Variants in GLT8D1 observed in about 807,000 individuals in gnomAD.
The protein encoded by GLT8D1 is glycosyltransferase 8 domain containing 1.
A neutral mutation model predicts 46.2 loss-of-function variants in GLT8D1; 41 were observed. That is an observed-to-expected ratio of 0.89 (90% CI 0.69 to 1.15). GLT8D1 has a LOEUF of 1.15. GLT8D1 is among the 50% of genes most tolerant of loss of function. GLT8D1 has a pLI of 0.00. For missense variants in GLT8D1, 408 were observed against 449.3 expected, an observed-to-expected ratio of 0.91 and a Z score of 0.83; for synonymous variants, 150 against 154.2, an observed-to-expected ratio of 0.97 and a Z score of 0.20.
rs370367748 is a variant in GLT8D1 at position 52,697,756 on chromosome 3, G to A, written c.294C>T (p.Tyr98=). ...QHNTRSNVIF[Y]IVTLNNTADH... ...CTGCTGTATTGTTGAGAGTAACAAT[G>A]TAGAAAATCACATTGGAGCGAGTGT... is the stretch of plus-strand genomic sequence containing the variant. The change falls in exon 4 of 10, where the codon TAC becomes TAT. Residue 98 remains tyrosine (Y), a synonymous_variant. Transcript: ENST00000266014. 11 of 1,613,256 alleles carry A rather than the reference G, an allele frequency of 6.8e-6. No homozygotes were observed. In the African/African-American group the frequency reaches 1.1e-4, roughly 16 times the overall value.
intron 4 of GLT8D1, 54 bp downstream of exon 4, chr3:52,697,667 G>T: frequency 8.5e-7 from 1 of 1,178,376 alleles, no homozygotes; most frequent in Non-Finnish European, 1.3e-6. Context: ...TGGATTGGCA[G>T]CTGGCCTGCT....
rs1286589488 is a variant in GLT8D1 at position 52,697,893 on chromosome 3, T to C, written c.157A>G (p.Asn53Asp). 6.2e-7 allele frequency: 1 copy of C among 1,613,594 alleles called. No individual in the cohort carries two copies. Among genetic ancestry groups the C allele is most frequent in the African/African-American group, 1.3e-5 (1 of 74,906 alleles). Residue 53 changes from asparagine to aspartate, a missense_variant, in exon 4 of 10, where the codon AAT (asparagine) becomes GAT (aspartate). Transcript: ENST00000266014. ...CCATCTACTGCATGTCGGAGAGCAT[T>C]TGGGACAAAGTCTATAGGTTGAGGC... ...VGPQPIDFVPNALRHAVDGRQ... is the reference protein window; with the variant it reads ...VGPQPIDFVPDALRHAVDGRQ...
At chr3:52,702,746 C>G (rs1378913698) in intron 1 of GLT8D1, among the ~76,000 whole-genome samples, 1 of 151,162 alleles carries the variant, frequency 6.6e-6, no homozygotes, top group Admixed American at 6.6e-5. Context: ...GATCACAGGC[C>G]AGATTACAAA....
rs1302353881 is a variant in GLT8D1, at chr3:52,694,693, C to T, written c.*152G>A. The T allele has an allele frequency of 1.6e-5, 11 of 680,268 alleles. No individual in the cohort carries two copies. The highest frequency in any genetic ancestry group is 2.1e-5 in the Non-Finnish European group (8 of 373,058). 42.1% of individuals were successfully genotyped at this position (680,268 alleles called of 1,614,324 possible). A position where few individuals can be genotyped will look rare whatever the true frequency, so the allele number is the denominator to read the frequency against. Reference sequence around the variant, plus strand: ...ATAGTCTGTCTGGGAAGCTGACTGCCAGACAGGGCAGTTTGTCATCTTTAC... The same window carrying T: ...ATAGTCTGTCTGGGAAGCTGACTGCTAGACAGGGCAGTTTGTCATCTTTAC... On this transcript the variant is annotated 3_prime_UTR_variant, in exon 10 of 10. Coordinates refer to ENST00000266014, the MANE Select transcript of GLT8D1 (RefSeq NM_018446.4).
In GLT8D1 at chr3:52,697,754, A is replaced by G. The variant is rs376042101; in HGVS notation, c.296T>C (p.Ile99Thr). The G allele has an allele frequency of 1.9e-6, 3 of 1,613,304 alleles. No individual in the cohort carries two copies. The highest frequency in any genetic ancestry group is 2.5e-6 in the Non-Finnish European group (3 of 1,179,204). ...HNTRSNVIFY[I>T]VTLNNTADHL... ...GTCTGCTGTATTGTTGAGAGTAACAATGTAGAAAATCACATTGGAGCGAGT... is the reference window on the plus strand; with the variant it reads ...GTCTGCTGTATTGTTGAGAGTAACAGTGTAGAAAATCACATTGGAGCGAGT... Residue 99 changes from isoleucine (I) to threonine (T), a missense_variant, in exon 4 of 10, where the codon ATT becomes ACT. Physicochemically the swap from Ile to Thr is moderately conservative, Grantham distance 89. Transcript: ENST00000266014.
intron 1 of GLT8D1, among the ~76,000 whole-genome samples, chr3:52,702,344 A>G (rs1383438834): frequency 6.6e-6 from 1 of 152,164 alleles, no homozygotes; most frequent in African/African-American, 2.4e-5. Flanking sequence ...TGAGGAGTTC[A>G]AGACCAGCCT....
rs1229428553 is a variant in GLT8D1 at position 52,694,702 on chromosome 3, C to T, written c.*143G>A. On this transcript the variant is annotated 3_prime_UTR_variant, in exon 10 of 10. Coordinates refer to ENST00000266014, the MANE Select transcript of GLT8D1 (RefSeq NM_018446.4). ...CTGGGAAGCTGACTGCCAGACAGGG[C>T]AGTTTGTCATCTTTACCTAGCTGAC... is the stretch of plus-strand genomic sequence containing the variant. 3 of 691,650 alleles carry T rather than the reference C, an allele frequency of 4.3e-6. No individual in the cohort carries two copies. In the African/African-American group the frequency reaches 5.3e-5, roughly 12 times the overall value. The allele number at this position is 691,650 out of a possible 1,614,324, so 42.8% of individuals were successfully genotyped here. A position where few individuals can be genotyped will look rare whatever the true frequency, so the allele number is the denominator to read the frequency against.
At chr3:52,695,777 A>G in intron 7 of GLT8D1, 151 bp downstream of exon 7, 1 of 640,894 alleles carries the variant, frequency 1.6e-6, no homozygotes. Context: ...TTAGGCTGTC[A>G]AGTCCATGAA....
rs2276812 is a variant in GLT8D1 at position 52,695,944 on chromosome 3, C to T, written c.629G>A (p.Arg210His). 4.3e-3 allele frequency: 6,955 copies of T among 1,601,398 alleles called. 233 individuals are homozygous for T. In the East Asian group the frequency reaches 0.075, roughly 17 times the overall value. The change falls in exon 7 of 10, where the codon CGT becomes CAT. Residue 210 changes from arginine to histidine, a missense_variant. Physicochemically the swap from Arg to His is conservative, Grantham distance 29. Transcript: ENST00000266014. ...CDSASTKVVI[R>H]GAGNQYNYIG... Reference sequence around the variant, plus strand: ...GCAATTTACCTGGTTTCCTGCTCCACGGATGACAACTTTAGTAGAGGCTGA... The same window carrying T: ...GCAATTTACCTGGTTTCCTGCTCCATGGATGACAACTTTAGTAGAGGCTGA...
At chr3:52,696,388 A>C (rs2097333610) in intron 5 of GLT8D1, 70 bp from the exon 6 acceptor site, 10 of 1,179,186 alleles carry the variant, frequency 8.5e-6, no homozygotes, top group Non-Finnish European at 1.1e-5. Flanking sequence ...AGAAACTCCT[A>C]GGATGCTTTC....
Position 52,705,772 on chromosome 3 carries a change from T to G in GLT8D1, c.-362A>C. 8.5e-7 allele frequency: 1 copy of G among 1,177,170 alleles called. No individual in the cohort carries two copies. Among genetic ancestry groups the G allele is most frequent in the Non-Finnish European group, 1.1e-6 (1 of 919,704 alleles). 72.9% of individuals were successfully genotyped at this position (1,177,170 alleles called of 1,614,324 possible). A position where few individuals can be genotyped will look rare whatever the true frequency, so the allele number is the denominator to read the frequency against. On this transcript the variant is annotated 5_prime_UTR_variant, in exon 1 of 10. Transcript: ENST00000266014. ...GCCCGCAGCGGTAACCGCTAGAGCG[T>G]CGCGCCAAGCAGGCGCCGCGGGGCA... is the stretch of plus-strand genomic sequence containing the variant.
At chr3:52,696,082 TGA>T in intron 6 of GLT8D1, 42 bp from the exon 7 acceptor site, 1 of 1,369,146 alleles carries the variant, frequency 7.3e-7, no homozygotes, top group Non-Finnish European at 1.0e-6. Flanking sequence ...TCCGTTGCCT[TGA>T]GAGTTCCCTG....
intron 1 of GLT8D1, among the ~76,000 whole-genome samples, chr3:52,701,603 G>A (rs529886276): frequency 8.5e-5 from 13 of 152,230 alleles, no homozygotes; most frequent in South Asian, 8.3e-4. Context: ...TCCTGACTTC[G>A]TGATCTGCCC....
At chr3:52,705,412 C>T (rs534961634) in intron 1 of GLT8D1, 35 bp downstream of exon 1, 1 of 152,516 alleles carries the variant, frequency 6.6e-6, no homozygotes, top group South Asian at 2.1e-4. Context: ...AGGGTAGCCC[C>T]CCTAAATTCC....
intron 4 of GLT8D1, among the ~76,000 whole-genome samples, chr3:52,697,205 G>A (rs917297297): frequency 6.6e-6 from 1 of 152,194 alleles, no homozygotes; most frequent in African/African-American, 2.4e-5. Flanking sequence ...TAATTTGTTA[G>A]ACCAACAAAT....
chr3:52,700,100 C>G (rs1230491448), intron 3 of GLT8D1, among the ~76,000 whole-genome samples, 162 bp downstream of exon 3: 1 of 152,192 alleles, frequency 6.6e-6, no homozygotes, highest in African/African-American at 2.4e-5. Context: ...CTCAGAGGCT[C>G]TCCTAAGGCC....
intron 3 of GLT8D1, 91 bp from the exon 4 acceptor site, chr3:52,698,025 G>A: frequency 2.5e-6 from 2 of 795,376 alleles, no homozygotes; most frequent in Non-Finnish European, 4.4e-6. Context: ...AAGGATTATG[G>A]TACTGATCTA....
At chr3:52,697,580 T>C (rs2097335092) in intron 4 of GLT8D1, 141 bp downstream of exon 4, 2 of 681,884 alleles carry the variant, frequency 2.9e-6, no homozygotes, top group South Asian at 3.4e-5. Flanking sequence ...CTAAAAAAAA[T>C]ATGTCATTTG....
At chr3:52,695,154 C>T in intron 9 of GLT8D1, 36 bp downstream of exon 9, 2 of 1,513,940 alleles carry the variant, frequency 1.3e-6, no homozygotes, top group Non-Finnish European at 1.8e-6. Flanking sequence ...GATACCAATT[C>T]TTTACTAGCT....
Sources: allele counts gnomAD v4.1 joint callset (sites outside exome capture counted in the v4.1 genomes callset), GRCh38; gene constraint gnomAD v4.1.1; transcripts MANE v1.5; gene names NCBI Gene and HGNC (gene_info 2026-07-23, HGNC 2026-07-21).